Variants in PEBP1 observed in about 807,000 individuals in gnomAD.
The protein encoded by PEBP1 is phosphatidylethanolamine binding protein 1.
PEBP1 carries 17 observed loss-of-function variants against 22.7 expected under a neutral mutation model. That is an observed-to-expected ratio of 0.75 (90% CI 0.51 to 1.12). PEBP1 has a LOEUF of 1.12. Ranked by LOEUF, PEBP1 falls within the 50% of genes most tolerant of loss-of-function variation. The pLI is 0.00. For missense variants in PEBP1, 205 were observed against 243.5 expected, an observed-to-expected ratio of 0.84 and a Z score of 1.05; for synonymous variants, 106 against 104.3, an observed-to-expected ratio of 1.02 and a Z score of -0.10.
rs754667884 is a variant in PEBP1 at position 118,144,770 on chromosome 12, G to A, written c.531G>A (p.Val177=). Residue 177 remains valine (V), a synonymous_variant, in exon 4 of 4, where the codon GTG becomes GTA. Coordinates refer to ENST00000261313, the MANE Select transcript of PEBP1 (RefSeq NM_002567.4). Reference sequence around the variant, plus strand: ...ACCAGGCCGAGTGGGATGACTATGTGCCCAAACTGTACGAGCAGCTGTCTG... The same window carrying A: ...ACCAGGCCGAGTGGGATGACTATGTACCCAAACTGTACGAGCAGCTGTCTG... ...TCYQAEWDDY[V]PKLYEQLSGK 2 of 1,614,152 alleles carry A rather than the reference G, an allele frequency of 1.2e-6. No individual in the cohort carries two copies. The highest frequency in any genetic ancestry group is 3.3e-5 in the Admixed American group (2 of 60,026).
At chr12:118,138,274 T>C (rs2034084248) in intron 2 of PEBP1, 126 bp downstream of exon 2, 1 of 674,034 alleles carries the variant, frequency 1.5e-6, no homozygotes, top group African/African-American at 1.8e-5. Context: ...AGCCAGAGAG[T>C]GCCTTTCCTG....
In PEBP1 at chr12:118,136,430, CA is replaced by C. The variant is rs1280278034; in HGVS notation, c.135+87del. ...GGGTGGGACCCAGCGGAGACAGGGC[CA>C]GGGGCGGTGGGGAGGTTCAGCCTGC... On this transcript the variant is annotated intron_variant, in intron 1 of 3. Coordinates refer to ENST00000261313, the MANE Select transcript of PEBP1 (RefSeq NM_002567.4). This position sits in a 1 kb window ranked among gnomAD's most constrained non-coding sequence, Gnocchi z 5.6. 1.4e-6 allele frequency: 2 copies of C among 1,425,358 alleles called. No individual in the cohort carries two copies. The highest frequency in any genetic ancestry group is 1.8e-6 in the Non-Finnish European group (2 of 1,082,156). 88.3% of individuals were successfully genotyped at this position (1,425,358 alleles called of 1,614,324 possible). A position where few individuals can be genotyped will look rare whatever the true frequency, so the allele number is the denominator to read the frequency against.
In PEBP1 at chr12:118,136,264, G is replaced by A. The variant is rs562863042; in HGVS notation, c.55G>A (p.Glu19Lys). 13 of 1,547,214 alleles carry A rather than the reference G, an allele frequency of 8.4e-6. No individual in the cohort carries two copies. The South Asian group carries it at 1.1e-4, about 13-fold the overall frequency. ...GCCCTTGAGCCTGCAAGAAGTGGAC[G>A]AGCAGCCGCAGCACCCGCTGCATGT... The part of the protein sequence containing the change: ...SGPLSLQEVD[E>K]QPQHPLHVTY... The change falls in exon 1 of 4, where the codon GAG (glutamate) becomes AAG (lysine). Residue 19 changes from glutamate to lysine, a missense_variant. Transcript: ENST00000261313. This position sits in a 1 kb window ranked among gnomAD's most constrained non-coding sequence, Gnocchi z 5.6.
chr12:118,144,615 G>A lies in PEBP1; in HGVS notation c.376G>A (p.Glu126Lys), dbSNP rs768309207. Residue 126 changes from glutamate to lysine, a missense_variant, in exon 4 of 4, where the codon GAG (glutamate) becomes AAG (lysine). Coordinates refer to ENST00000261313, the MANE Select transcript of PEBP1 (RefSeq NM_002567.4). ...CCACCGCTATGTCTGGCTGGTTTAC[G>A]AGCAGGACAGGCCGCTAAAGTGTGA... Reference protein sequence around the residue: ...GLHRYVWLVYEQDRPLKCDEP... With the variant: ...GLHRYVWLVYKQDRPLKCDEP... The A allele has an allele frequency of 6.2e-6, 10 of 1,613,626 alleles. No homozygotes were observed. Among genetic ancestry groups the A allele is most frequent in the African/African-American group, 5.3e-5 (4 of 74,876 alleles).
At position 118,144,873 on chromosome 12, in the gene PEBP1, A is replaced by C. The variant is rs2138091065; in HGVS notation, c.*70A>C. 6.2e-7 allele frequency: 1 copy of C among 1,607,360 alleles called. No individual in the cohort carries two copies. The highest frequency in any genetic ancestry group is 1.7e-5 in the Admixed American group (1 of 59,800). On this transcript the variant is annotated 3_prime_UTR_variant, in exon 4 of 4. Transcript: ENST00000261313. ...TGTTCCCCAGTTCAGTGTTGCATGT[A>C]TAATAGATTTCTCCTCTTCCTGCCC...
intron 3 of PEBP1, among the ~76,000 whole-genome samples, chr12:118,143,563 T>C (rs902878915): frequency 2.6e-5 from 4 of 152,228 alleles, no homozygotes; most frequent in South Asian, 2.1e-4. Context: ...TACTGCTGCA[T>C]TGAACATGGG....
intron 1 of PEBP1, among the ~76,000 whole-genome samples, chr12:118,137,678 A>G (rs1382415848): frequency 1.3e-5 from 2 of 152,098 alleles, no homozygotes; most frequent in African/African-American, 4.8e-5. Flanking sequence ...AAGAAAGAGT[A>G]TTGGTTTCTT....
chr12:118,139,411 G>T (rs768620507), intron 2 of PEBP1, 40 bp from the exon 3 acceptor site: 4 of 1,407,972 alleles, frequency 2.8e-6, no homozygotes, highest in Non-Finnish European at 3.0e-6. Context: ...AATGTTCCCT[G>T]ATCTCCTGTG....
At chr12:118,140,772 T>C (rs1314008601) in intron 3 of PEBP1, among the ~76,000 whole-genome samples, 2 of 152,160 alleles carry the variant, frequency 1.3e-5, no homozygotes, top group Non-Finnish European at 2.9e-5. Context: ...TCTCCTGACC[T>C]TGTGATCTAC....
chr12:118,143,430 C>T (rs1275076737), intron 3 of PEBP1, among the ~76,000 whole-genome samples: 2 of 152,092 alleles, frequency 1.3e-5, no homozygotes, highest in Non-Finnish European at 2.9e-5. Flanking sequence ...TAGAGTAACA[C>T]AGGGGAGTAA....
rs1353560293 is a variant in PEBP1 at position 118,136,967 on chromosome 12, GT to G, written c.135+625del. ...GATTTGCAGACGCCACTGCTAGTTG[GT>G]TATGAAGCTCCGGGCAACAGCGTAA... is the stretch of plus-strand genomic sequence containing the variant. On this transcript the variant is annotated intron_variant, in intron 1 of 3. Transcript: ENST00000261313. This position sits in a 1 kb window ranked among gnomAD's most constrained non-coding sequence, Gnocchi z 5.6. Among the ~76,000 whole-genome samples the G allele has an allele frequency of 1.3e-5, 2 of 152,186 alleles. No individual in the cohort carries two copies. Among genetic ancestry groups the G allele is most frequent in the African/African-American group, 2.4e-5 (1 of 41,454 alleles).
At chr12:118,139,696 C>A in intron 3 of PEBP1, 145 bp downstream of exon 3, 1 of 551,118 alleles carries the variant, frequency 1.8e-6, no homozygotes, top group East Asian at 3.3e-5. Context: ...CTTCAGGGCA[C>A]ACATTCAGAC....
chr12:118,142,691 G>T (rs1441715998), intron 3 of PEBP1, among the ~76,000 whole-genome samples: 1 of 151,706 alleles, frequency 6.6e-6, no homozygotes, highest in Non-Finnish European at 1.5e-5. Flanking sequence ...TGGCCAAGCT[G>T]GTCTCAAATT....
Position 118,144,580 on chromosome 12 carries a change from C to A in PEBP1, c.347-6C>A. On this transcript the variant is annotated splice_region_variant and splice_polypyrimidine_tract_variant and intron_variant, in intron 3 of 3. Transcript: ENST00000261313. ...GTGTACATCTTCCCTCTGCCTCTCCCCACAGGCCTCCACCGCTATGTCTGG... is the reference window on the plus strand; with the variant it reads ...GTGTACATCTTCCCTCTGCCTCTCCACACAGGCCTCCACCGCTATGTCTGG... 1.2e-6 allele frequency: 2 copies of A among 1,610,298 alleles called. No individual in the cohort carries two copies. Among genetic ancestry groups the A allele is most frequent in the South Asian group, 2.2e-5 (2 of 90,328 alleles).
In PEBP1 at chr12:118,145,093, A is replaced by C; in HGVS notation, c.*290A>C. 8.8e-7 allele frequency: 1 copy of C among 1,136,592 alleles called. No homozygotes were observed. Among genetic ancestry groups the C allele is most frequent in the Non-Finnish European group, 1.2e-6 (1 of 837,508 alleles). The allele number at this position is 1,136,592 out of a possible 1,614,324, so 70.4% of individuals were successfully genotyped here. A position where few individuals can be genotyped will look rare whatever the true frequency, so the allele number is the denominator to read the frequency against. On this transcript the variant is annotated 3_prime_UTR_variant, in exon 4 of 4. Transcript: ENST00000261313. ...TGAAAATAGCAACCCAGAATGTAAA[A>C]AAGAAAAAACTGGGGGGAAAAAGAC...
At chr12:118,139,377 T>A in intron 2 of PEBP1, 74 bp from the exon 3 acceptor site, 1 of 964,810 alleles carries the variant, frequency 1.0e-6, no homozygotes, top group Non-Finnish European at 1.7e-6. Flanking sequence ...ATGTTCTTGA[T>A]GCCCAGTTGC....
In PEBP1 at chr12:118,136,301, GGGCGGC is replaced by G. The variant is rs2034057603; in HGVS notation, c.95_100del (p.Ala32_Ala33del). 1.3e-6 allele frequency: 2 copies of G among 1,545,948 alleles called. No homozygotes were observed. The highest frequency in any genetic ancestry group is 2.4e-5 in the South Asian group (2 of 83,976). ...CACCCGCTGCATGTCACCTACGCCG[GGGCGGC>G]GGTGGACGAGCTGGGCAAAGTGCTG... On this transcript the variant is annotated inframe_deletion, in exon 1 of 4. Coordinates refer to ENST00000261313, the MANE Select transcript of PEBP1 (RefSeq NM_002567.4). The surrounding 1 kb of genome is among the most constrained non-coding windows in gnomAD (Gnocchi z 5.6).
chr12:118,137,656 AG>A (rs935810520), intron 1 of PEBP1, among the ~76,000 whole-genome samples: 3 of 152,096 alleles, frequency 2.0e-5, no homozygotes, highest in Admixed American at 6.5e-5. Context: ...GTCTTTGGAG[AG>A]TCTGAGATCA....
chr12:118,141,325 C>T (rs1254820573), intron 3 of PEBP1, among the ~76,000 whole-genome samples: 1 of 152,154 alleles, frequency 6.6e-6, no homozygotes, highest in African/African-American at 2.4e-5. Flanking sequence ...CCATGTTGGC[C>T]AGGCTGGTCT....
Sources: gnomAD v4.1 joint callset for allele counts (sites outside exome capture counted in the v4.1 genomes callset) on GRCh38, gnomAD v4.1.1 for gene constraint, Gnocchi (gnomAD v3.1) non-coding constraint, MANE v1.5 for transcripts, NCBI Gene and HGNC (gene_info 2026-07-23, HGNC 2026-07-21) for gene names.